Variants in FILIP1 observed in about 807,000 individuals in gnomAD.
FILIP1 encodes filamin A interacting protein 1, also known as filamin-A-interacting protein 1.
FILIP1 carries 61 observed loss-of-function variants against 102.1 expected under a neutral mutation model. That is an observed-to-expected ratio of 0.60 (90% CI 0.49 to 0.74). The LOEUF is 0.74. Among genes scored for constraint, FILIP1 ranks in the 30% least tolerant of loss-of-function variants. FILIP1 has a pLI of 0.00. For synonymous variants in FILIP1, 491 were observed against 526.9 expected (o/e 0.93, Z 0.93); for missense variants, 1,314 against 1,441.2 (o/e 0.91, Z 1.43).
chr6:75,300,964 C>G (rs948083615), intron 6 of FILIP1, among the ~76,000 whole-genome samples: 1 of 152,102 alleles, frequency 6.6e-6, no homozygotes, highest in Non-Finnish European at 1.5e-5. Flanking sequence ...TTTACAGATA[C>G]AAGCAAATTT....
chr6:75,372,691 GAAAGA>G (rs1775587731), intron 2 of FILIP1, among the ~76,000 whole-genome samples: 26 of 33,994 alleles, frequency 7.6e-4, no homozygotes, highest in African/African-American at 4.1e-3. Context: ...GAAAGAGAAA[GAAAGA>G]GAAAGAAAGA....
intron 4 of FILIP1, chr6:75,319,290 G>A: frequency 1.5e-6 from 1 of 667,172 alleles, no homozygotes; most frequent in Non-Finnish European, 2.9e-6. Flanking sequence ...GTTTCTTCCA[G>A]CATCACCAAT....
At chr6:75,321,215 G>GT (rs988563326) in intron 4 of FILIP1, among the ~76,000 whole-genome samples, 30 of 152,094 alleles carry the variant, frequency 2.0e-4, no homozygotes, top group Non-Finnish European at 1.0e-4. Flanking sequence ...GACTGTTGTC[G>GT]TTTTTTTGTT....
intron 2 of FILIP1, among the ~76,000 whole-genome samples, chr6:75,391,390 A>G (rs1776275154): frequency 6.6e-6 from 1 of 152,124 alleles, no homozygotes; most frequent in Non-Finnish European, 1.5e-5. Flanking sequence ...AAATCACACT[A>G]TATTCCTTCG....
chr6:75,353,527 T>C lies in FILIP1; in HGVS notation c.629+12A>G, dbSNP rs1156722840. ...GCATCCAGATGTGACTGGTGGTGTG[T>C]GTGCACATTACCTCTCCCGCTCCTG... On this transcript the variant is annotated intron_variant, in intron 4 of 5. Transcript: ENST00000237172. 1.9e-6 allele frequency: 3 copies of C among 1,613,890 alleles called. No individual in the cohort carries two copies. In the South Asian group the frequency reaches 3.3e-5, roughly 18 times the overall value.
chr6:75,438,134 G>A (rs574252551), intron 1 of FILIP1, among the ~76,000 whole-genome samples: 3 of 152,250 alleles, frequency 2.0e-5, no homozygotes, highest in East Asian at 1.9e-4. Flanking sequence ...TTCCAGCTGC[G>A]CACAGTTGTA....
chr6:75,396,964 A>G (rs1328210800), intron 2 of FILIP1, among the ~76,000 whole-genome samples: 1 of 143,404 alleles, frequency 7.0e-6, no homozygotes, highest in East Asian at 2.1e-4. Context: ...GAATTGAGCA[A>G]CGAAAACACA....
rs78629346 is a variant in FILIP1, at chr6:75,369,559, C to T, written c.277-6642G>A. On this transcript the variant is annotated intron_variant, in intron 2 of 5. Coordinates refer to ENST00000237172, the MANE Select transcript of FILIP1 (RefSeq NM_015687.5). ...GACGACAATTTAACTGTATTTTAAA[C>T]TTGTGTGGCTTTTCTATCTTTGAAA... Among the ~76,000 whole-genome samples the T allele has an allele frequency of 3.1e-3, 448 of 146,644 alleles. 8 individuals carry two copies. Among genetic ancestry groups the T allele is most frequent in the East Asian group, 0.02 (102 of 5,064 alleles).
intron 1 of FILIP1, among the ~76,000 whole-genome samples, chr6:75,443,440 A>C (rs1236196358): frequency 3.9e-5 from 6 of 152,212 alleles, no homozygotes; most frequent in African/African-American, 1.4e-4. Context: ...TTGGTAATCT[A>C]ACATGATTTT....
In FILIP1 at chr6:75,314,310, G is replaced by A. The variant is rs1233514958; in HGVS notation, c.1522C>T (p.Leu508=). ...ATCATATTTTTCCTTTCATCAACCAGCATCACGGTAAATGACTTCAACTTG... is the reference window on the plus strand; with the variant it reads ...ATCATATTTTTCCTTTCATCAACCAACATCACGGTAAATGACTTCAACTTG... ...LTKLKSFTVM[L]VDERKNMMEK... The change falls in exon 5 of 6, where the codon CTG becomes TTG. Residue 508 remains leucine, a synonymous_variant. Coordinates refer to ENST00000237172, the MANE Select transcript of FILIP1 (RefSeq NM_015687.5). 2.0e-6 allele frequency: 3 copies of A among 1,524,828 alleles called. No individual in the cohort carries two copies. The highest frequency in any genetic ancestry group is 1.4e-5 in the African/African-American group (1 of 70,658). 94.5% of individuals were successfully genotyped at this position (1,524,828 alleles called of 1,614,324 possible). A position where few individuals can be genotyped will look rare whatever the true frequency, so the allele number is the denominator to read the frequency against.
In FILIP1 at chr6:75,462,877, C is replaced by A. The variant is rs187570687; in HGVS notation, c.-7+30537G>T. 7.9e-5 allele frequency among the ~76,000 whole-genome samples: 12 copies of A among 152,288 alleles called. No individual in the cohort carries two copies. The East Asian group carries it at 2.3e-3, about 29-fold the overall frequency. On this transcript the variant is annotated intron_variant, in intron 1 of 5. Coordinates refer to ENST00000237172, the MANE Select transcript of FILIP1 (RefSeq NM_015687.5). Reference sequence around the variant, plus strand: ...CACTTCTCCACTACCTCCCTCATAACCACAGTGGCCCAAGAGCAGTTAAGT... The same window carrying A: ...CACTTCTCCACTACCTCCCTCATAAACACAGTGGCCCAAGAGCAGTTAAGT...
chr6:75,338,434 C>CA (rs1328502487), intron 4 of FILIP1, among the ~76,000 whole-genome samples: 1 of 152,206 alleles, frequency 6.6e-6, no homozygotes, highest in African/African-American at 2.4e-5. Flanking sequence ...CGCACACAGT[C>CA]AAAGAGCCAG....
At chr6:75,414,131 A>G (rs1777170622) in intron 2 of FILIP1, among the ~76,000 whole-genome samples, 1 of 150,570 alleles carries the variant, frequency 6.6e-6, no homozygotes, top group Non-Finnish European at 1.5e-5. Flanking sequence ...TAGGTTCTTC[A>G]TAATGAATGC....
chr6:75,383,032 CA>C (rs1775955212), intron 2 of FILIP1, among the ~76,000 whole-genome samples: 1 of 152,094 alleles, frequency 6.6e-6, no homozygotes, highest in Non-Finnish European at 1.5e-5. Flanking sequence ...GCCAGTTGCC[CA>C]AAAGACTTGT....
chr6:75,483,407 C>T (rs1267539593), intron 1 of FILIP1, among the ~76,000 whole-genome samples: 1 of 152,040 alleles, frequency 6.6e-6, no homozygotes, highest in Non-Finnish European at 1.5e-5. Context: ...GGGAACCCAG[C>T]CAAACTCACA....
chr6:75,422,772 A>G (rs910818286), intron 1 of FILIP1, among the ~76,000 whole-genome samples: 3 of 152,200 alleles, frequency 2.0e-5, no homozygotes, highest in Admixed American at 1.3e-4. Context: ...GAAATTTGCC[A>G]TTTGATATTG....
chr6:75,331,866 G>A (rs1432809716), intron 4 of FILIP1, among the ~76,000 whole-genome samples: 4 of 152,092 alleles, frequency 2.6e-5, no homozygotes, highest in South Asian at 2.1e-4. Flanking sequence ...CCCCCCATGC[G>A]CTGGTATTAA....
intron 2 of FILIP1, among the ~76,000 whole-genome samples, chr6:75,382,409 G>A (rs1775933459): frequency 6.6e-6 from 1 of 152,142 alleles, no homozygotes; most frequent in Admixed American, 6.5e-5. Flanking sequence ...TATTGCCAGA[G>A]AATTCTATGG....
At chr6:75,320,620 CTAAA>C (rs1456032988) in intron 4 of FILIP1, among the ~76,000 whole-genome samples, 6 of 152,020 alleles carry the variant, frequency 3.9e-5, no homozygotes, top group Non-Finnish European at 7.4e-5. Flanking sequence ...TGGAAATTAC[CTAAA>C]TAGAGATGTA....
Sources: gnomAD v4.1 joint callset for allele counts (sites outside exome capture counted in the v4.1 genomes callset) on GRCh38, gnomAD v4.1.1 for gene constraint, MANE v1.5 for transcripts, NCBI Gene and HGNC (gene_info 2026-07-23, HGNC 2026-07-21) for gene names.